The following SRBD1 variants were observed in gnomAD, a reference collection of about 807,000 sequenced individuals.
SRBD1 encodes the protein S1 RNA-binding domain-containing protein 1.
A neutral mutation model predicts 115.3 loss-of-function variants in SRBD1; 88 were observed. The ratio of observed to expected loss-of-function variants is 0.76; its 90% CI spans 0.64 to 0.91. SRBD1 has a LOEUF of 0.91. Among genes scored for constraint, SRBD1 ranks in the 40% least tolerant of loss-of-function variants. The pLI, the probability that SRBD1 is intolerant of heterozygous loss-of-function variation, is 0.00. For missense variants in SRBD1, 1,385 were observed against 1,177.4 expected (o/e 1.18, Z -2.58); for synonymous variants, 509 against 407.7 (o/e 1.25, Z -2.99).
chr2:45,535,275 T>C (rs577076629), intron 14 of SRBD1, among the ~76,000 whole-genome samples: 1 of 152,114 alleles, frequency 6.6e-6, no homozygotes, highest in Admixed American at 6.6e-5. Flanking sequence ...AGACTATCAA[T>C]AGCTGTGCTG....
intron 14 of SRBD1, among the ~76,000 whole-genome samples, chr2:45,495,205 A>G (rs1670418495): frequency 6.6e-6 from 1 of 152,180 alleles, no homozygotes; most frequent in Non-Finnish European, 1.5e-5. Context: ...CCACAAAATA[A>G]ACCTAAAATG....
chr2:45,418,312 C>A, intron 18 of SRBD1, 53 bp downstream of exon 18: 1 of 1,581,606 alleles, frequency 6.3e-7, no homozygotes, highest in Non-Finnish European at 8.6e-7. Flanking sequence ...GGATAGGTAA[C>A]AGTAACAAGA....
intron 14 of SRBD1, among the ~76,000 whole-genome samples, chr2:45,495,335 A>C (rs1344736060): frequency 2.0e-5 from 3 of 152,204 alleles, no homozygotes; most frequent in Non-Finnish European, 4.4e-5. Context: ...AAAGCAAATC[A>C]ACAAACTGAA....
intron 16 of SRBD1, among the ~76,000 whole-genome samples, chr2:45,421,282 C>A (rs1278175166): frequency 6.6e-6 from 1 of 151,674 alleles, no homozygotes; most frequent in African/African-American, 2.4e-5. Flanking sequence ...CCGAGGTGGG[C>A]GGATCACGAG....
chr2:45,567,036 G>C (rs540224202), intron 9 of SRBD1, among the ~76,000 whole-genome samples: 1 of 152,226 alleles, frequency 6.6e-6, no homozygotes, highest in South Asian at 2.1e-4. Flanking sequence ...CTTCCTATCT[G>C]TGGTGAAACA....
chr2:45,488,215 T>G, intron 15 of SRBD1, 25 bp downstream of exon 15: 1 of 1,590,114 alleles, frequency 6.3e-7, no homozygotes, highest in Non-Finnish European at 8.6e-7. Context: ...ATCACATGTT[T>G]TTGTGATGGT....
chr2:45,601,820 T>G (rs1474461512), intron 3 of SRBD1, 83 bp downstream of exon 3: 2 of 1,523,156 alleles, frequency 1.3e-6, no homozygotes, highest in Non-Finnish European at 1.8e-6. Flanking sequence ...TTACATGCCT[T>G]GTCCTACTCT....
rs13408870 is a variant in SRBD1 at position 45,491,784 on chromosome 2, T to A, written c.1875-3453A>T. 5.1e-3 allele frequency among the ~76,000 whole-genome samples: 775 copies of A among 152,320 alleles called. 4 individuals are homozygous for A. Among genetic ancestry groups the A allele is most frequent in the Non-Finnish European group, 8.0e-3 (547 of 68,010 alleles). On this transcript the variant is annotated intron_variant, in intron 14 of 20. Transcript: ENST00000263736. The stretch of plus-strand genomic sequence containing the variant: ...TCAACGCATTCACTTTCAAATTTTT[T>A]AACAAAAACCCTATTGAGTTAAAAA...
At chr2:45,457,311 A>T (rs2103761834) in intron 16 of SRBD1, among the ~76,000 whole-genome samples, 1 of 152,074 alleles carries the variant, frequency 6.6e-6, no homozygotes, top group African/African-American at 2.4e-5. Context: ...TCTTAAAATT[A>T]CAACTTTTTT....
intron 14 of SRBD1, among the ~76,000 whole-genome samples, chr2:45,490,650 T>A (rs540607095): frequency 6.6e-6 from 1 of 152,228 alleles, no homozygotes; most frequent in Admixed American, 6.5e-5. Flanking sequence ...AAATGGTAAA[T>A]AAAAATTCCA....
chr2:45,545,315 A>AC, intron 14 of SRBD1, among the ~76,000 whole-genome samples: 1 of 123,622 alleles, frequency 8.1e-6, no homozygotes, highest in African/African-American at 2.8e-5. Context: ...AAAAAAAAAA[A>AC]CAGATGAACC....
intron 4 of SRBD1, among the ~76,000 whole-genome samples, chr2:45,598,947 TG>T (rs1673995338): frequency 6.6e-6 from 1 of 152,210 alleles, no homozygotes; most frequent in Non-Finnish European, 1.5e-5. Context: ...GGGAGAAATC[TG>T]ATTTCCCCTG....
In SRBD1 at chr2:45,389,580, GA is replaced by G; in HGVS notation, c.2717del (p.Phe906SerfsTer5). 6.2e-7 allele frequency: 1 copy of G among 1,612,858 alleles called. No homozygotes were observed. The highest frequency in any genetic ancestry group is 8.5e-7 in the Non-Finnish European group (1 of 1,179,492). On this transcript the variant is annotated frameshift_variant, in exon 21 of 21. Transcript: ENST00000263736. LOFTEE classifies it high-confidence loss of function. ...CTTCCAGGCATACTATGCTTCTCTT[GA>G]AATCAGGTTTATCAAAATCTGTAAG... ...DFRTDFDKPDFKRSIVCLEDL... is the reference protein window; with the variant it reads ...DFRTDFDKPDXKRSIVCLEDL...
intron 16 of SRBD1, among the ~76,000 whole-genome samples, chr2:45,439,847 G>A (rs1375084284): frequency 1.3e-5 from 2 of 151,848 alleles, no homozygotes; most frequent in African/African-American, 4.8e-5. Context: ...AACCTGGTAG[G>A]CCAGATAATC....
At chr2:45,550,493 C>CAAAAAA (rs3064241) in intron 12 of SRBD1, among the ~76,000 whole-genome samples, 2 of 135,670 alleles carry the variant, frequency 1.5e-5, no homozygotes, top group African/African-American at 2.7e-5. Context: ...TTACAGTAGC[C>CAAAAAA]AAAAAAAAAA....
Position 45,507,908 on chromosome 2 carries a change from AT to A in SRBD1, c.1875-19578del, listed in dbSNP as rs558214101. ...TTAACAATTCTCAATGCTCAGATGA[AT>A]TCATAAGTGGCAGAAAAAAAGAACC... On this transcript the variant is annotated intron_variant, in intron 14 of 20. Coordinates refer to ENST00000263736, the MANE Select transcript of SRBD1 (RefSeq NM_018079.5). Among the ~76,000 whole-genome samples, 197 of 152,214 alleles carry A rather than the reference AT, an allele frequency of 1.3e-3. 1 individual carries two copies. Among genetic ancestry groups the A allele is most frequent in the Admixed American group, 9.0e-3 (138 of 15,294 alleles).
Position 45,490,164 on chromosome 2 carries a change from C to T in SRBD1, c.1875-1833G>A, listed in dbSNP as rs930761645. ...GGAGAAAATGTAATGTTAAATAAAG[C>T]TTGTAGTGAAGAAAATGTAGTGTTA... On this transcript the variant is annotated intron_variant, in intron 14 of 20. Coordinates refer to ENST00000263736, the MANE Select transcript of SRBD1 (RefSeq NM_018079.5). Among the ~76,000 whole-genome samples the T allele has an allele frequency of 2.9e-4, 44 of 151,998 alleles. 1 individual carries two copies. Among genetic ancestry groups the T allele is most frequent in the Non-Finnish European group, 1.5e-5 (1 of 67,972 alleles).
chr2:45,594,427 T>C (rs1191387772), intron 4 of SRBD1, among the ~76,000 whole-genome samples: 4 of 152,262 alleles, frequency 2.6e-5, no homozygotes, highest in Non-Finnish European at 5.9e-5. Context: ...TGGAGCAGTT[T>C]AATTTTCCCA....
chr2:45,397,104 C>A (rs1352565293), intron 19 of SRBD1, among the ~76,000 whole-genome samples: 1 of 152,110 alleles, frequency 6.6e-6, no homozygotes, highest in Non-Finnish European at 1.5e-5. Context: ...AATGCAAGAA[C>A]ACATCATTTT....
Sources: gnomAD v4.1 joint callset for allele counts (sites outside exome capture counted in the v4.1 genomes callset) on GRCh38, gnomAD v4.1.1 for gene constraint, MANE v1.5 for transcripts, NCBI Gene and HGNC (gene_info 2026-07-23, HGNC 2026-07-21) for gene names.